LRPAP1: variants seen among roughly 807,000 people sequenced by gnomAD.
The protein encoded by LRPAP1 is alpha-2-macroglobulin receptor-associated protein.
In LRPAP1, 41 loss-of-function variants were observed where a neutral mutation model predicts 39.9. The observed-to-expected ratio is 1.03, with a 90% confidence interval of 0.80 to 1.33. The LOEUF is 1.33. LRPAP1 is among the 40% of genes most tolerant of loss of function. The pLI, the probability that LRPAP1 is intolerant of heterozygous loss-of-function variation, is 0.00. For synonymous variants in LRPAP1, 263 were observed against 212.7 expected (o/e 1.24, Z -2.06); for missense variants, 565 against 482.3 (o/e 1.17, Z -1.61).
At position 3,530,846 on chromosome 4, in the gene LRPAP1, C is replaced by G. The variant is rs372540362; in HGVS notation, c.204+1363G>C. ...ACTTGGGCCAGCACCCAAAAGGGAG[C>G]CGCTGGGGTTCCTGGGTCCGAGTGC... On this transcript the variant is annotated intron_variant, in intron 1 of 7. Coordinates refer to ENST00000650182, the MANE Select transcript of LRPAP1 (RefSeq NM_002337.4). 2.2e-3 allele frequency among the ~76,000 whole-genome samples: 337 copies of G among 152,290 alleles called. 1 individual carries two copies. The highest frequency in any genetic ancestry group is 7.4e-3 in the African/African-American group (309 of 41,560).
chr4:3,524,902 C>T lies in LRPAP1; in HGVS notation c.349+5G>A, dbSNP rs201432448. The T allele has an allele frequency of 4.5e-5, 73 of 1,613,670 alleles. No individual in the cohort carries two copies. Among genetic ancestry groups the T allele is most frequent in the South Asian group, 1.5e-4 (14 of 91,086 alleles). ...CGACCTGCATTAGGAAAGAAACAAACGTACCATTGAGGTTGCGTATGAGTC... is the reference window on the plus strand; with the variant it reads ...CGACCTGCATTAGGAAAGAAACAAATGTACCATTGAGGTTGCGTATGAGTC... On this transcript the variant is annotated splice_donor_5th_base_variant and intron_variant, in intron 2 of 7. Coordinates refer to ENST00000650182, the MANE Select transcript of LRPAP1 (RefSeq NM_002337.4).
At chr4:3,517,916 C>T in intron 5 of LRPAP1, 118 bp downstream of exon 5, 1 of 1,330,598 alleles carries the variant, frequency 7.5e-7, no homozygotes, top group Non-Finnish European at 1.0e-6. Context: ...CGCCGAGGGT[C>T]TCCGCTGCGT....
At chr4:3,515,138 C>T (rs901931791) in intron 6 of LRPAP1, among the ~76,000 whole-genome samples, 6 of 152,196 alleles carry the variant, frequency 3.9e-5, no homozygotes, top group African/African-American at 1.2e-4. Flanking sequence ...AGCCCTAAGC[C>T]GACCCCTTCC....
rs1316829701 is a variant in LRPAP1, at chr4:3,508,568, A to C, written c.*4406T>G. The C allele has an allele frequency of 6.6e-6, 1 of 152,204 alleles. No homozygotes were observed. The highest frequency in any genetic ancestry group is 1.5e-5 in the Non-Finnish European group (1 of 68,034). The allele number at this position is 152,204 out of a possible 1,614,324, so 9.4% of individuals were successfully genotyped here. A position where few individuals can be genotyped will look rare whatever the true frequency, so the allele number is the denominator to read the frequency against. On this transcript the variant is annotated 3_prime_UTR_variant, in exon 8 of 8. Transcript: ENST00000650182. Reference sequence around the variant, plus strand: ...AGGAGGTCCTTAGCCCGGTATGAGCAAATCTCATCTGGCCATGCAGAGAAA... The same window carrying C: ...AGGAGGTCCTTAGCCCGGTATGAGCCAATCTCATCTGGCCATGCAGAGAAA...
At chr4:3,514,601 C>T in intron 7 of LRPAP1, 151 bp downstream of exon 7, 4 of 1,059,916 alleles carry the variant, frequency 3.8e-6, no homozygotes, top group Non-Finnish European at 4.0e-6. Flanking sequence ...CAGTGCCCCA[C>T]ACACTTGTGG....
Position 3,512,901 on chromosome 4 carries a change from G to T in LRPAP1, c.*73C>A. ...GCCACCCTGACGGCGGGCTGTCCACGGAAATGCCACGGCCAAGAGCCCAGG... is the reference window on the plus strand; with the variant it reads ...GCCACCCTGACGGCGGGCTGTCCACTGAAATGCCACGGCCAAGAGCCCAGG... On this transcript the variant is annotated 3_prime_UTR_variant, in exon 8 of 8. Transcript: ENST00000650182. The T allele has an allele frequency of 1.4e-6, 2 of 1,424,542 alleles. No individual in the cohort carries two copies. Among genetic ancestry groups the T allele is most frequent in the Non-Finnish European group, 9.6e-7 (1 of 1,041,838 alleles). 88.2% of individuals were successfully genotyped at this position (1,424,542 alleles called of 1,614,324 possible). A position where few individuals can be genotyped will look rare whatever the true frequency, so the allele number is the denominator to read the frequency against.
intron 3 of LRPAP1, 78 bp downstream of exon 3, chr4:3,519,994 C>T: frequency 1.3e-6 from 2 of 1,554,840 alleles, no homozygotes; most frequent in Admixed American, 1.7e-5. Context: ...AGAGCAGAGA[C>T]TGCCCCTCAC....
rs1287796563 is a variant in LRPAP1, at chr4:3,506,719, G to C, written c.*6255C>G. ...ATATATCCTGGTTTGCTGCTGTGTA[G>C]TTTCCCCAAAGTCTCAATTTGATGA... On this transcript the variant is annotated 3_prime_UTR_variant, in exon 8 of 8. Coordinates refer to ENST00000650182, the MANE Select transcript of LRPAP1 (RefSeq NM_002337.4). 1 of 152,164 alleles carries C rather than the reference G, an allele frequency of 6.6e-6. No homozygotes were observed. Among genetic ancestry groups the C allele is most frequent in the East Asian group, 1.9e-4 (1 of 5,194 alleles). 9.4% of individuals were successfully genotyped at this position (152,164 alleles called of 1,614,324 possible). A position where few individuals can be genotyped will look rare whatever the true frequency, so the allele number is the denominator to read the frequency against.
chr4:3,532,072 G>T lies in LRPAP1; in HGVS notation c.204+137C>A, dbSNP rs1730271428. On this transcript the variant is annotated intron_variant, in intron 1 of 7. Transcript: ENST00000650182. Reference sequence around the variant, plus strand: ...CCACCTGACACTTGGGGGAGGCTGTGCCAAGGACAGGGCGCGTAGGGCACA... The same window carrying T: ...CCACCTGACACTTGGGGGAGGCTGTTCCAAGGACAGGGCGCGTAGGGCACA... The T allele has an allele frequency of 1.7e-5, 17 of 980,814 alleles. No individual in the cohort carries two copies. The South Asian group carries it at 2.8e-4, about 16-fold the overall frequency. The allele number at this position is 980,814 out of a possible 1,614,324, so 60.8% of individuals were successfully genotyped here. A position where few individuals can be genotyped will look rare whatever the true frequency, so the allele number is the denominator to read the frequency against.
chr4:3,505,298 G>A lies in LRPAP1; in HGVS notation c.*7676C>T, dbSNP rs543918401. 1.1e-4 allele frequency among the ~76,000 whole-genome samples: 16 copies of A among 152,326 alleles called. No individual in the cohort carries two copies. The highest frequency in any genetic ancestry group is 3.1e-4 in the African/African-American group (13 of 41,580). On this transcript the variant is annotated 3_prime_UTR_variant, in exon 8 of 8. Coordinates refer to ENST00000650182, the MANE Select transcript of LRPAP1 (RefSeq NM_002337.4). The stretch of plus-strand genomic sequence containing the variant: ...AGCAGGCATGGCACCCGGAGCACTG[G>A]AGCCCAATGCAGGGTGACCCCTTCC...
chr4:3,515,080 T>G, intron 6 of LRPAP1, 152 bp from the exon 7 acceptor site: 1 of 826,208 alleles, frequency 1.2e-6, no homozygotes, highest in Non-Finnish European at 1.9e-6. Context: ...GGGCGGCAGC[T>G]GGGAGGCCAT....
chr4:3,531,130 T>TCTCCCAC (rs1007496973), intron 1 of LRPAP1, among the ~76,000 whole-genome samples: 1 of 151,938 alleles, frequency 6.6e-6, no homozygotes, highest in East Asian at 1.9e-4. Context: ...CCCAGAGCGT[T>TCTCCCAC]CTCCCACCTC....
intron 1 of LRPAP1, among the ~76,000 whole-genome samples, chr4:3,529,087 C>T (rs1730163864): frequency 6.6e-6 from 1 of 152,112 alleles, no homozygotes; most frequent in Non-Finnish European, 1.5e-5. Flanking sequence ...CTTTAGGAGG[C>T]AGAGGCGGGA....
At position 3,511,340 on chromosome 4, in the gene LRPAP1, A is replaced by C. The variant is rs1413506901; in HGVS notation, c.*1634T>G. On this transcript the variant is annotated 3_prime_UTR_variant, in exon 8 of 8. Transcript: ENST00000650182. ...TATCCACCCACAATAAAGTGCATTA[A>C]AATCAGAGCACAGGACAGTCATGCA... 1 of 152,116 alleles carries C rather than the reference A, an allele frequency of 6.6e-6. No individual in the cohort carries two copies. Among genetic ancestry groups the C allele is most frequent in the South Asian group, 2.1e-4 (1 of 4,814 alleles). 9.4% of individuals were successfully genotyped at this position (152,116 alleles called of 1,614,324 possible).
Position 3,505,558 on chromosome 4 carries a change from A to T in LRPAP1, c.*7416T>A, listed in dbSNP as rs1253569544. Among the ~76,000 whole-genome samples the T allele has an allele frequency of 6.6e-6, 1 of 152,132 alleles. No individual in the cohort carries two copies. Among genetic ancestry groups the T allele is most frequent in the Non-Finnish European group, 1.5e-5 (1 of 68,016 alleles). On this transcript the variant is annotated 3_prime_UTR_variant, in exon 8 of 8. Transcript: ENST00000650182. ...CCCCAACCACACCTGGCACAACACC[A>T]TGGCTGAGGTGCGCTTCCAGCTGCA...
rs1270979437 is a variant in LRPAP1, at chr4:3,516,210, G to A, written c.752-12C>T. 3.8e-6 allele frequency: 6 copies of A among 1,559,450 alleles called. No homozygotes were observed. Among genetic ancestry groups the A allele is most frequent in the Non-Finnish European group, 5.2e-6 (6 of 1,151,248 alleles). On this transcript the variant is annotated splice_polypyrimidine_tract_variant and intron_variant, in intron 5 of 7. Transcript: ENST00000650182. ...GGGCTCCTCGAACTCTGCAGGGGAGGAGCAAGAGTGGCCTCAGCAGCACCC... is the reference window on the plus strand; with the variant it reads ...GGGCTCCTCGAACTCTGCAGGGGAGAAGCAAGAGTGGCCTCAGCAGCACCC...
At chr4:3,531,647 G>A (rs1380016891) in intron 1 of LRPAP1, among the ~76,000 whole-genome samples, 1 of 152,202 alleles carries the variant, frequency 6.6e-6, no homozygotes, top group East Asian at 1.9e-4. Flanking sequence ...AAATGAAGGA[G>A]AGGTCAGGTG....
At chr4:3,515,057 A>G (rs1198124728) in intron 6 of LRPAP1, 129 bp from the exon 7 acceptor site, 11 of 1,021,194 alleles carry the variant, frequency 1.1e-5, no homozygotes, top group Non-Finnish European at 1.6e-5. Context: ...TTGCGGTGAC[A>G]TGGGCAATGA....
At chr4:3,531,862 A>C in intron 1 of LRPAP1, 2 of 342,630 alleles carry the variant, frequency 5.8e-6, no homozygotes, top group East Asian at 5.8e-5. Context: ...GGTTGAGGGA[A>C]CAGGCAAAGG....
Sources: gnomAD v4.1 joint callset for allele counts (sites outside exome capture counted in the v4.1 genomes callset) on GRCh38, gnomAD v4.1.1 for gene constraint, MANE v1.5 for transcripts, NCBI Gene and HGNC (gene_info 2026-07-23, HGNC 2026-07-21) for gene names.